Variants in PTPRD observed in about 807,000 individuals in gnomAD.
PTPRD encodes receptor-type tyrosine-protein phosphatase delta.
Under a neutral mutation model 214.5 loss-of-function variants are expected in PTPRD, and 34 were observed. The ratio of observed to expected loss-of-function variants is 0.16; its 90% CI spans 0.12 to 0.21. The LOEUF is 0.21. Ranked by LOEUF, PTPRD falls within the 10% of genes least tolerant of loss-of-function variation. PTPRD has a pLI of 1.00. For missense variants in PTPRD, 2,545 were observed against 2,398.7 expected (o/e 1.06, Z -1.27); for synonymous variants, 1,128 against 845.7 (o/e 1.33, Z -5.79).
chr9:10,597,613 C>A (rs368405980), intron 2 of PTPRD, among the ~76,000 whole-genome samples: 1 of 151,700 alleles, frequency 6.6e-6, no homozygotes, highest in Non-Finnish European at 1.5e-5. Flanking sequence ...TTTTAATTAA[C>A]GCATTCTGCA....
At chr9:9,055,615 C>T (rs2099694750) in intron 10 of PTPRD, among the ~76,000 whole-genome samples, 1 of 151,892 alleles carries the variant, frequency 6.6e-6, no homozygotes, top group Non-Finnish European at 1.5e-5. Flanking sequence ...CAATTCAGGG[C>T]CTCAAAACGT....
intron 3 of PTPRD, among the ~76,000 whole-genome samples, chr9:10,251,002 TTA>T (rs2092710879): frequency 6.6e-6 from 1 of 152,066 alleles, no homozygotes; most frequent in Non-Finnish European, 1.5e-5. Flanking sequence ...ATGTAATTGT[TTA>T]TGTTATCATT....
In PTPRD at chr9:9,090,956, C is replaced by T. The variant is rs1044149444; in HGVS notation, c.-142-72221G>A. 25 of 1,570,884 alleles carry T rather than the reference C, an allele frequency of 1.6e-5. No individual in the cohort carries two copies. The East Asian group carries it at 4.5e-4, about 28-fold the overall frequency. On this transcript the variant is annotated intron_variant, in intron 10 of 45. Coordinates refer to ENST00000381196, the MANE Select transcript of PTPRD (RefSeq NM_002839.4). ...AAAAAGGGCTGCGGCCACGTGCAGC[C>T]TATTCGCTGCACTAACTGTGCCCGA...
chr9:9,448,717 G>C (rs1278946594), intron 8 of PTPRD, among the ~76,000 whole-genome samples: 1 of 152,030 alleles, frequency 6.6e-6, no homozygotes, highest in African/African-American at 2.4e-5. Flanking sequence ...ATTTAATGGA[G>C]TCCTTTAAGA....
intron 8 of PTPRD, among the ~76,000 whole-genome samples, chr9:9,462,582 C>T (rs2093757436): frequency 6.6e-6 from 1 of 151,908 alleles, no homozygotes; most frequent in Admixed American, 6.6e-5. Flanking sequence ...CAATAAAAAC[C>T]ATGCACATGA....
intron 5 of PTPRD, among the ~76,000 whole-genome samples, chr9:9,852,875 A>G (rs927914568): frequency 3.3e-5 from 5 of 152,178 alleles, no homozygotes; most frequent in Non-Finnish European, 5.9e-5. Flanking sequence ...ATAAATCTAC[A>G]CAATAGCAGA....
chr9:9,043,938 A>G (rs990064883), intron 10 of PTPRD, among the ~76,000 whole-genome samples: 4 of 137,496 alleles, frequency 2.9e-5, no homozygotes, highest in Non-Finnish European at 3.3e-5. Context: ...ATAAAATAAA[A>G]TAAAATAAAA....
intron 10 of PTPRD, among the ~76,000 whole-genome samples, chr9:9,157,305 A>T (rs2099882048): frequency 6.6e-6 from 1 of 152,074 alleles, no homozygotes; most frequent in African/African-American, 2.4e-5. Context: ...TGAAACAGAG[A>T]CCAGAAAAAA....
intron 2 of PTPRD, among the ~76,000 whole-genome samples, chr9:10,466,095 A>G (rs1566248337): frequency 6.6e-6 from 1 of 152,170 alleles, no homozygotes. Flanking sequence ...CCTCTTGCCT[A>G]TGATTTGTTG....
intron 2 of PTPRD, among the ~76,000 whole-genome samples, chr9:10,445,055 T>C (rs887916987): frequency 2.6e-5 from 4 of 151,650 alleles, no homozygotes; most frequent in African/African-American, 9.7e-5. Context: ...AAAGCAAAGG[T>C]ATAGAGGATT....
intron 5 of PTPRD, among the ~76,000 whole-genome samples, chr9:9,865,954 T>C (rs755479889): frequency 2.0e-5 from 3 of 151,902 alleles, no homozygotes; most frequent in Non-Finnish European, 4.4e-5. Flanking sequence ...GTTCCTCCCA[T>C]CTGAACAATT....
Position 9,000,542 on chromosome 9 carries a change from G to A in PTPRD, c.-104+18155C>T, listed in dbSNP as rs372681719. ...AAAACTTGGCCTCTGCTAAGGATCTGCATCACTAACAAGAACATTTATTTA... is the reference window on the plus strand; with the variant it reads ...AAAACTTGGCCTCTGCTAAGGATCTACATCACTAACAAGAACATTTATTTA... On this transcript the variant is annotated intron_variant, in intron 11 of 45. Transcript: ENST00000381196. Among the ~76,000 whole-genome samples the A allele has an allele frequency of 1.2e-4, 18 of 152,068 alleles. No individual in the cohort carries two copies. In the East Asian group the frequency reaches 1.7e-3, roughly 15 times the overall value.
intron 5 of PTPRD, among the ~76,000 whole-genome samples, chr9:9,925,081 C>G (rs550717137): frequency 1.1e-4 from 16 of 152,050 alleles, no homozygotes; most frequent in East Asian, 5.8e-4. Context: ...TATATTATAA[C>G]TAGTATATAT....
intron 5 of PTPRD, among the ~76,000 whole-genome samples, chr9:9,853,629 A>G (rs980497138): frequency 1.3e-5 from 2 of 151,770 alleles, no homozygotes; most frequent in Middle Eastern, 3.4e-3. Flanking sequence ...GGTCGCTGCA[A>G]CCTCTCCCTC....
chr9:9,727,416 C>T (rs2098114958), intron 7 of PTPRD, among the ~76,000 whole-genome samples: 2 of 152,096 alleles, frequency 1.3e-5, no homozygotes, highest in Admixed American at 1.3e-4. Context: ...CACCACTGCA[C>T]TCTAGCCTGG....
chr9:8,461,732 G>T (rs1474864463), intron 32 of PTPRD, among the ~76,000 whole-genome samples: 2 of 151,366 alleles, frequency 1.3e-5, no homozygotes, highest in Non-Finnish European at 2.9e-5. Context: ...AATTAAACCA[G>T]TCCCATCCTC....
intron 2 of PTPRD, among the ~76,000 whole-genome samples, chr9:10,502,890 C>G (rs1024447427): frequency 1.3e-5 from 2 of 151,998 alleles, no homozygotes; most frequent in Non-Finnish European, 2.9e-5. Context: ...CTAAAACATT[C>G]TAACATATTG....
At chr9:9,586,975 A>G (rs1344251346) in intron 7 of PTPRD, among the ~76,000 whole-genome samples, 1 of 152,016 alleles carries the variant, frequency 6.6e-6, no homozygotes. Context: ...AGCATAAGTC[A>G]TCACTCTCTC....
At chr9:8,354,232 C>T (rs1041593146) in intron 39 of PTPRD, among the ~76,000 whole-genome samples, 1 of 151,660 alleles carries the variant, frequency 6.6e-6, no homozygotes, top group Non-Finnish European at 1.5e-5. Flanking sequence ...TGCTAGAATC[C>T]ATAGTTCATC....
Sources: gnomAD v4.1 joint callset for allele counts (sites outside exome capture counted in the v4.1 genomes callset) on GRCh38, gnomAD v4.1.1 for gene constraint, MANE v1.5 for transcripts, NCBI Gene and HGNC (gene_info 2026-07-23, HGNC 2026-07-21) for gene names.